The following DDHD1 variants were observed in gnomAD, a reference collection of about 807,000 sequenced individuals.
DDHD1 encodes the protein DDHD domain containing 1.
DDHD1 carries 49 observed loss-of-function variants against 96.4 expected under a neutral mutation model. The observed-to-expected ratio is 0.51, with a 90% CI of 0.40 to 0.64. DDHD1 has a LOEUF of 0.64. Ranked by LOEUF, DDHD1 falls within the 30% of genes least tolerant of loss-of-function variation. The pLI is 0.00. For synonymous variants in DDHD1, 442 were observed against 446.5 expected, an observed-to-expected ratio of 0.99 and a Z score of 0.13; for missense variants, 1,106 against 1,161.2, an observed-to-expected ratio of 0.95 and a Z score of 0.69.
intron 1 of DDHD1, among the ~76,000 whole-genome samples, chr14:53,128,796 G>C (rs1189473221): frequency 6.6e-6 from 1 of 152,138 alleles, no homozygotes. Context: ...TGACCTGCAG[G>C]TATACATCCA....
intron 1 of DDHD1, among the ~76,000 whole-genome samples, chr14:53,130,411 G>A (rs1018657582): frequency 2.0e-5 from 3 of 151,992 alleles, no homozygotes; most frequent in South Asian, 2.1e-4. Flanking sequence ...ACCCTTAGAC[G>A]TTTTACCACC....
intron 1 of DDHD1, among the ~76,000 whole-genome samples, chr14:53,146,202 C>T (rs1196977525): frequency 6.8e-6 from 1 of 147,432 alleles, no homozygotes; most frequent in South Asian, 2.1e-4. Flanking sequence ...AGTGAAACTC[C>T]ATCTCAAAAC....
intron 1 of DDHD1, among the ~76,000 whole-genome samples, chr14:53,137,886 G>A (rs536422104): frequency 2.0e-4 from 31 of 152,256 alleles, no homozygotes; most frequent in Admixed American, 1.1e-3. Context: ...AATAAAGTCA[G>A]GGGGTTGGGG....
At position 53,038,705 on chromosome 14, in the gene DDHD1, G is replaced by A. The variant is rs1353692171; in HGVS notation, c.*8063C>T. On this transcript the variant is annotated 3_prime_UTR_variant, in exon 13 of 13. Transcript: ENST00000673822. ...AAACAACTATTCTAAAATTCAGATG[G>A]AACCAAAGAAAGAGCCTGAATAGCC... 1 of 152,104 alleles carries A rather than the reference G, an allele frequency of 6.6e-6. No individual in the cohort carries two copies. Among genetic ancestry groups the A allele is most frequent in the Non-Finnish European group, 1.5e-5 (1 of 68,020 alleles). 9.4% of individuals were successfully genotyped at this position (152,104 alleles called of 1,614,324 possible). A position where few individuals can be genotyped will look rare whatever the true frequency, so the allele number is the denominator to read the frequency against.
intron 2 of DDHD1, among the ~76,000 whole-genome samples, chr14:53,095,107 A>C (rs1182378598): frequency 6.6e-6 from 1 of 152,186 alleles, no homozygotes; most frequent in Non-Finnish European, 1.5e-5. Flanking sequence ...TCAATTCATA[A>C]TTTGATAATT....
chr14:53,049,482 G>A (rs1283455272), intron 12 of DDHD1, among the ~76,000 whole-genome samples: 2 of 152,072 alleles, frequency 1.3e-5, no homozygotes, highest in South Asian at 2.1e-4. Flanking sequence ...CCAAGGGAGT[G>A]AGGGTCTACA....
intron 1 of DDHD1, among the ~76,000 whole-genome samples, chr14:53,104,642 C>T (rs1002311798): frequency 6.6e-6 from 1 of 152,018 alleles, no homozygotes; most frequent in South Asian, 2.1e-4. Flanking sequence ...TCAAGAAAAA[C>T]TTTCTTGGCT....
In DDHD1 at chr14:53,142,784, G is replaced by A. The variant is rs558331209; in HGVS notation, c.838+9477C>T. On this transcript the variant is annotated intron_variant, in intron 1 of 12. Transcript: ENST00000673822. ...AACTCAAGACAGCACCAATCTTTCT[G>A]GGGCCTGAGAAACCAGACAAAAATC... is the stretch of plus-strand genomic sequence containing the variant. 2.0e-5 allele frequency among the ~76,000 whole-genome samples: 3 copies of A among 152,328 alleles called. No individual in the cohort carries two copies. In the South Asian group the frequency reaches 6.2e-4, roughly 32 times the overall value.
At chr14:53,051,967 G>T in intron 11 of DDHD1, 40 bp from the exon 12 acceptor site, 1 of 1,503,454 alleles carries the variant, frequency 6.7e-7, no homozygotes, top group Non-Finnish European at 9.1e-7. Context: ...AGGGTTGGCT[G>T]ATGATTAAAA....
At chr14:53,096,298 T>C (rs1886878487) in intron 2 of DDHD1, 1 of 456,192 alleles carries the variant, frequency 2.2e-6, no homozygotes, top group African/African-American at 2.1e-5. Context: ...TAGTATTAAC[T>C]TTAAAAAATG....
At chr14:53,059,373 T>C (rs1883338091) in intron 8 of DDHD1, among the ~76,000 whole-genome samples, 1 of 151,896 alleles carries the variant, frequency 6.6e-6, no homozygotes, top group Non-Finnish European at 1.5e-5. Context: ...GCCTCCTGAG[T>C]AGCTGGAACT....
chr14:53,068,105 A>G (rs1884194183), intron 6 of DDHD1, among the ~76,000 whole-genome samples: 1 of 152,130 alleles, frequency 6.6e-6, no homozygotes, highest in Non-Finnish European at 1.5e-5. Flanking sequence ...CTGCCAGCGT[A>G]TCTAATAATA....
chr14:53,129,014 CT>C (rs1297506442), intron 1 of DDHD1, among the ~76,000 whole-genome samples: 2 of 152,228 alleles, frequency 1.3e-5, no homozygotes, highest in Non-Finnish European at 2.9e-5. Context: ...AGATCCACCC[CT>C]GGCCCACCTA....
rs924937049 is a variant in DDHD1 at position 53,053,650 on chromosome 14, A to G, written c.2437+788T>C. 2.0e-5 allele frequency: 3 copies of G among 152,310 alleles called. 1 individual carries two copies. The highest frequency in any genetic ancestry group is 1.3e-4 in the Admixed American group (2 of 15,296). The allele number at this position is 152,310 out of a possible 1,614,324, so 9.4% of individuals were successfully genotyped here. On this transcript the variant is annotated intron_variant, in intron 11 of 12. Transcript: ENST00000673822. ...CTGTTTAAAAATTTCTAGAGAAAGAAAAGTTTTCTCCCTGCTATAGTTACA... is the reference window on the plus strand; with the variant it reads ...CTGTTTAAAAATTTCTAGAGAAAGAGAAGTTTTCTCCCTGCTATAGTTACA...
rs1339947961 is a variant in DDHD1, at chr14:53,124,216, CA to C, written c.839-20361del. ...CGCCAGTGCACTCCAGCCTGGGCGACAAGAGTGAAACTCTGTCTCAAAAAAA... is the reference window on the plus strand; with the variant it reads ...CGCCAGTGCACTCCAGCCTGGGCGACAGAGTGAAACTCTGTCTCAAAAAAA... On this transcript the variant is annotated intron_variant, in intron 1 of 12. Coordinates refer to ENST00000673822, the MANE Select transcript of DDHD1 (RefSeq NM_001160148.2). Among the ~76,000 whole-genome samples the C allele has an allele frequency of 6.9e-5, 10 of 143,936 alleles. 1 individual carries two copies. In the South Asian group the frequency reaches 2.1e-3, roughly 31 times the overall value. 94.4% of individuals were successfully genotyped at this position (143,936 alleles called of 152,430 possible). A position where few individuals can be genotyped will look rare whatever the true frequency, so the allele number is the denominator to read the frequency against.
At chr14:53,062,831 T>C (rs1883704989) in intron 7 of DDHD1, 112 bp downstream of exon 7, 2 of 1,137,218 alleles carry the variant, frequency 1.8e-6, no homozygotes, top group Non-Finnish European at 2.4e-6. Flanking sequence ...GTAATCTTTG[T>C]ATCTTGAACA....
chr14:53,144,119 T>C (rs1890825514), intron 1 of DDHD1, among the ~76,000 whole-genome samples: 1 of 152,208 alleles, frequency 6.6e-6, no homozygotes, highest in South Asian at 2.1e-4. Context: ...ATAGATAATG[T>C]AGTTTACACA....
intron 12 of DDHD1, among the ~76,000 whole-genome samples, chr14:53,047,956 C>G (rs1566510982): frequency 6.6e-6 from 1 of 152,130 alleles, no homozygotes; most frequent in South Asian, 2.1e-4. Flanking sequence ...AAGTCTGCCC[C>G]TGAACATGCA....
At position 53,042,006 on chromosome 14, in the gene DDHD1, G is replaced by A. The variant is rs1189617242; in HGVS notation, c.*4762C>T. On this transcript the variant is annotated 3_prime_UTR_variant, in exon 13 of 13. Coordinates refer to ENST00000673822, the MANE Select transcript of DDHD1 (RefSeq NM_001160148.2). ...GACATGGTTGGGAATCAGGGGACTAGGTTCTAATTCTGACTGTCATTCATT... is the reference window on the plus strand; with the variant it reads ...GACATGGTTGGGAATCAGGGGACTAAGTTCTAATTCTGACTGTCATTCATT... 6.6e-6 allele frequency: 1 copy of A among 152,156 alleles called. No homozygotes were observed. Among genetic ancestry groups the A allele is most frequent in the East Asian group, 1.9e-4 (1 of 5,188 alleles). 9.4% of individuals were successfully genotyped at this position (152,156 alleles called of 1,614,324 possible). A position where few individuals can be genotyped will look rare whatever the true frequency, so the allele number is the denominator to read the frequency against.
Sources: gnomAD v4.1 joint callset for allele counts (sites outside exome capture counted in the v4.1 genomes callset) on GRCh38, gnomAD v4.1.1 for gene constraint, MANE v1.5 for transcripts, NCBI Gene and HGNC (gene_info 2026-07-23, HGNC 2026-07-21) for gene names.